The following SLC9A9 variants were observed in gnomAD, a reference collection of about 807,000 sequenced individuals.
The protein encoded by SLC9A9 is sodium/hydrogen exchanger 9.
A neutral mutation model predicts 77.8 loss-of-function variants in SLC9A9; 62 were observed. That is an observed-to-expected ratio of 0.80 (90% CI 0.65 to 0.98). The LOEUF (loss-of-function observed/expected upper bound fraction) is 0.98. SLC9A9 is among the 50% of genes least tolerant of loss of function. SLC9A9 has a pLI of 0.00. For missense variants in SLC9A9, 775 were observed against 774.9 expected, an observed-to-expected ratio of 1.00 and a Z score of 0.00; for synonymous variants, 320 against 283.5, an observed-to-expected ratio of 1.13 and a Z score of -1.29.
chr3:143,370,789 G>A (rs538292810), intron 13 of SLC9A9, among the ~76,000 whole-genome samples: 34 of 151,990 alleles, frequency 2.2e-4, no homozygotes, highest in East Asian at 1.2e-3. Context: ...CTTCATCATC[G>A]CTTTCACAAT....
At chr3:143,464,931 T>C (rs1163506162) in intron 12 of SLC9A9, among the ~76,000 whole-genome samples, 2 of 152,218 alleles carry the variant, frequency 1.3e-5, no homozygotes, top group East Asian at 3.9e-4. Flanking sequence ...TTTCTCATGA[T>C]TGGGTCTCTG....
intron 9 of SLC9A9, among the ~76,000 whole-genome samples, chr3:143,508,369 C>G (rs564156459): frequency 6.6e-6 from 1 of 152,136 alleles, no homozygotes; most frequent in Non-Finnish European, 1.5e-5. Flanking sequence ...GTTTCATGAT[C>G]GGCCATTACA....
chr3:143,305,129 A>G (rs1312684948), intron 14 of SLC9A9, among the ~76,000 whole-genome samples: 2 of 152,212 alleles, frequency 1.3e-5, no homozygotes, highest in Non-Finnish European at 2.9e-5. Context: ...TGTTTGCTCA[A>G]GAATCTTAAA....
chr3:143,565,600 T>C (rs1442526630), intron 8 of SLC9A9, among the ~76,000 whole-genome samples: 1 of 152,166 alleles, frequency 6.6e-6, no homozygotes, highest in Admixed American at 6.6e-5. Flanking sequence ...TTTATTGAGA[T>C]GGCATCATTG....
intron 12 of SLC9A9, among the ~76,000 whole-genome samples, chr3:143,405,803 G>A (rs2033964914): frequency 6.6e-6 from 1 of 152,208 alleles, no homozygotes. Flanking sequence ...TGAAACAGCA[G>A]TGGAGGGAGA....
chr3:143,411,461 A>T (rs2034095149), intron 12 of SLC9A9, among the ~76,000 whole-genome samples: 5 of 151,718 alleles, frequency 3.3e-5, no homozygotes. Flanking sequence ...AGTCTCTTTT[A>T]TTTTTCCACG....
intron 12 of SLC9A9, among the ~76,000 whole-genome samples, chr3:143,430,004 AG>A (rs2034482309): frequency 6.6e-6 from 1 of 152,322 alleles, no homozygotes; most frequent in South Asian, 2.1e-4. Flanking sequence ...AACTGAAACC[AG>A]CCACTCTGGT....
intron 12 of SLC9A9, among the ~76,000 whole-genome samples, chr3:143,440,905 G>T (rs776697648): frequency 6.6e-6 from 1 of 152,184 alleles, no homozygotes; most frequent in Non-Finnish European, 1.5e-5. Context: ...TAAAGATGCT[G>T]TTCTTCAGAA....
rs148700315 is a variant in SLC9A9, at chr3:143,306,117, C to T, written c.1605-37137G>A. On this transcript the variant is annotated intron_variant, in intron 14 of 15. Coordinates refer to ENST00000316549, the MANE Select transcript of SLC9A9 (RefSeq NM_173653.4). ...CAAATATGAACATTATTCTCCTTATCGTTCTAATCTAACCTTTCTTCCTGG... is the reference window on the plus strand; with the variant it reads ...CAAATATGAACATTATTCTCCTTATTGTTCTAATCTAACCTTTCTTCCTGG... Among the ~76,000 whole-genome samples the T allele has an allele frequency of 9.8e-3, 1,496 of 152,198 alleles. 13 individuals are homozygous for T. The highest frequency in any genetic ancestry group is 0.02 in the Middle Eastern group (6 of 294).
chr3:143,479,545 G>A (rs1576525224), intron 11 of SLC9A9, among the ~76,000 whole-genome samples: 1 of 152,196 alleles, frequency 6.6e-6, no homozygotes, highest in Non-Finnish European at 1.5e-5. Flanking sequence ...GAGCCAACAT[G>A]CCAGGCTTGA....
chr3:143,826,751 C>T (rs938570815), intron 2 of SLC9A9, among the ~76,000 whole-genome samples: 1 of 152,022 alleles, frequency 6.6e-6, no homozygotes, highest in Non-Finnish European at 1.5e-5. Context: ...CCATATCATG[C>T]TTTTCCTTCT....
At chr3:143,687,423 C>A (rs1275267027) in intron 5 of SLC9A9, among the ~76,000 whole-genome samples, 1 of 151,982 alleles carries the variant, frequency 6.6e-6, no homozygotes, top group Non-Finnish European at 1.5e-5. Flanking sequence ...TTAAATTGCA[C>A]CAATTTAGCA....
At chr3:143,511,334 G>A (rs1265728330) in intron 9 of SLC9A9, among the ~76,000 whole-genome samples, 2 of 152,150 alleles carry the variant, frequency 1.3e-5, no homozygotes, top group East Asian at 1.9e-4. Flanking sequence ...GCCTTTCCAG[G>A]TGTTCTCCTA....
intron 14 of SLC9A9, among the ~76,000 whole-genome samples, chr3:143,324,815 T>A (rs966319773): frequency 6.6e-6 from 1 of 152,112 alleles, no homozygotes; most frequent in Non-Finnish European, 1.5e-5. Context: ...GAGGAAACCC[T>A]GTTTTTTAAA....
rs76259393 is a variant in SLC9A9 at position 143,758,093 on chromosome 3, C to T, written c.533+36908G>A. ...ACTCTACATTTTGTATCTTTGGCCT[C>T]TAAATAAAGGTAAAATCCCGTCTTA... On this transcript the variant is annotated intron_variant, in intron 4 of 15. Transcript: ENST00000316549. Among the ~76,000 whole-genome samples, 1,277 of 152,212 alleles carry T rather than the reference C, an allele frequency of 8.4e-3. 55 individuals are homozygous for T. In the East Asian group the frequency reaches 0.11, roughly 13 times the overall value.
intron 14 of SLC9A9, among the ~76,000 whole-genome samples, chr3:143,316,166 T>C (rs892935162): frequency 6.6e-6 from 1 of 152,200 alleles, no homozygotes; most frequent in Non-Finnish European, 1.5e-5. Context: ...TTCCCACATC[T>C]TTAGCCATTA....
At chr3:143,821,218 C>T (rs77007143) in intron 2 of SLC9A9, among the ~76,000 whole-genome samples, 4,679 of 152,298 alleles carry the variant, frequency 0.031, 220 homozygotes, top group African/African-American at 0.1. Context: ...CCATCACACG[C>T]TCCTCAGACT....
chr3:143,564,284 G>A (rs2037133705), intron 8 of SLC9A9, among the ~76,000 whole-genome samples: 1 of 152,166 alleles, frequency 6.6e-6, no homozygotes. Flanking sequence ...AGATACAGAA[G>A]TAGAAAATAA....
intron 9 of SLC9A9, among the ~76,000 whole-genome samples, chr3:143,509,057 A>G (rs1386243646): frequency 6.6e-6 from 1 of 152,246 alleles, no homozygotes; most frequent in Non-Finnish European, 1.5e-5. Context: ...ATGTCTTTGA[A>G]TTCAATTTCT....
Sources: gnomAD v4.1 joint callset for allele counts (sites outside exome capture counted in the v4.1 genomes callset) on GRCh38, gnomAD v4.1.1 for gene constraint, MANE v1.5 for transcripts, NCBI Gene and HGNC (gene_info 2026-07-23, HGNC 2026-07-21) for gene names.